PHLDB2: variants seen among roughly 807,000 people sequenced by gnomAD.
PHLDB2 encodes the protein pleckstrin homology-like domain family B member 2.
PHLDB2 carries 71 observed loss-of-function variants against 123.6 expected under a neutral mutation model. The observed-to-expected ratio is 0.57, with a 90% confidence interval of 0.47 to 0.70. PHLDB2 has a LOEUF of 0.70. Ranked by LOEUF, PHLDB2 falls within the 30% of genes least tolerant of loss-of-function variation. The pLI, the probability that PHLDB2 is intolerant of heterozygous loss-of-function variation, is 0.00. For synonymous variants in PHLDB2, 547 were observed against 541.6 expected (o/e 1.01, Z -0.14); for missense variants, 1,446 against 1,519.5 (o/e 0.95, Z 0.80).
At chr3:111,916,062 A>G (rs2068156061) in intron 3 of PHLDB2, 1 of 152,220 alleles carries the variant, frequency 6.6e-6, no homozygotes, top group Non-Finnish European at 1.5e-5. Flanking sequence ...TCTAAAGACT[A>G]TCTTTTGGGA....
At chr3:111,858,111 ATACC>A (rs2064604711), upstream of PHLDB2, among the ~76,000 whole-genome samples, 1 of 152,234 alleles carries the variant, frequency 6.6e-6, no homozygotes, top group South Asian at 2.1e-4. Context: ...ACACCATGGA[ATACC>A]ATGCAGCCAT....
intron 1 of PHLDB2, among the ~76,000 whole-genome samples, chr3:111,785,350 G>C (rs1232666518): frequency 1.3e-5 from 2 of 151,810 alleles, no homozygotes; most frequent in African/African-American, 4.8e-5. Flanking sequence ...GCATATTTCT[G>C]TTTTCTGTTT....
At chr3:111,957,218 GTT>G (rs2071113320) in intron 12 of PHLDB2, 1 of 152,546 alleles carries the variant, frequency 6.6e-6, no homozygotes, top group Non-Finnish European at 1.5e-5. Context: ...TTGTCCTTTT[GTT>G]TTTTGTTAAA....
rs185481475 is a variant in PHLDB2 at position 111,848,227 on chromosome 3, T to C, written c.67+2292T>C. Among the ~76,000 whole-genome samples the C allele has an allele frequency of 3.6e-3, 553 of 152,272 alleles. 6 individuals are homozygous for C. The highest frequency in any genetic ancestry group is 0.012 in the African/African-American group (516 of 41,532). ...AAGTAATTGAGAATCTATCATAAAA[T>C]GCTAATAGCCCATGAGAGATAAAAC... is the stretch of plus-strand genomic sequence containing the variant. On this transcript the variant is annotated intron_variant, in intron 2 of 17. Transcript: ENST00000393923.
In PHLDB2 at chr3:111,768,388, C is replaced by T. The variant is rs192157939; in HGVS notation, c.-49+35685C>T. 6.6e-5 allele frequency among the ~76,000 whole-genome samples: 10 copies of T among 152,274 alleles called. No homozygotes were observed. In the East Asian group the frequency reaches 1.9e-3, roughly 29 times the overall value. On this transcript the variant is annotated intron_variant, in intron 1 of 17. Coordinates refer to the PHLDB2 transcript ENST00000393923. ...CACGTTTAAGTGAGAATATTATTCT[C>T]TGTAAACAGCAGACTACTATTATGA...
At chr3:111,942,943 T>C (rs2070009661) in intron 8 of PHLDB2, among the ~76,000 whole-genome samples, 1 of 152,052 alleles carries the variant, frequency 6.6e-6, no homozygotes, top group Non-Finnish European at 1.5e-5. Flanking sequence ...ATATTGTGAC[T>C]AGAGGCTTGC....
chr3:111,746,296 A>G (rs2059681548), intron 1 of PHLDB2, among the ~76,000 whole-genome samples: 1 of 152,168 alleles, frequency 6.6e-6, no homozygotes, highest in African/African-American at 2.4e-5. Context: ...ACGAACTCAT[A>G]TAGGTTCCAA....
In PHLDB2 at chr3:111,860,037, G is replaced by A. The variant is rs558186717; in HGVS notation, c.-15+461G>A. On this transcript the variant is annotated intron_variant, in intron 1 of 17. Transcript: ENST00000431670. Reference sequence around the variant, plus strand: ...TCTCGGGGGGCTGGGTAGATCTCCGGTTGAGGGGATCCCGGGGAGGGAGTG... The same window carrying A: ...TCTCGGGGGGCTGGGTAGATCTCCGATTGAGGGGATCCCGGGGAGGGAGTG... Among the ~76,000 whole-genome samples, 18 of 150,396 alleles carry A rather than the reference G, an allele frequency of 1.2e-4. No individual in the cohort carries two copies. The East Asian group carries it at 3.2e-3, about 26-fold the overall frequency.
Position 111,743,777 on chromosome 3 carries a change from A to T in PHLDB2, c.-49+11074A>T, listed in dbSNP as rs1475141605. Among the ~76,000 whole-genome samples, 6 of 152,228 alleles carry T rather than the reference A, an allele frequency of 3.9e-5. No homozygotes were observed. In the East Asian group the frequency reaches 1.2e-3, roughly 29 times the overall value. On this transcript the variant is annotated intron_variant, in intron 1 of 17. Transcript: ENST00000393923. Reference sequence around the variant, plus strand: ...TAGGTAAGCTTTTAGTGTATAAGTGAAAACTTTCATCATCTTAAGCAATTT... The same window carrying T: ...TAGGTAAGCTTTTAGTGTATAAGTGTAAACTTTCATCATCTTAAGCAATTT...
intron 13 of PHLDB2, among the ~76,000 whole-genome samples, chr3:111,964,325 G>A (rs770861362): frequency 6.6e-5 from 10 of 151,944 alleles, no homozygotes; most frequent in Non-Finnish European, 1.0e-4. Flanking sequence ...TACATGAGGT[G>A]ATAAATGTGT....
At chr3:111,880,679 C>T (rs1467503181) in intron 1 of PHLDB2, among the ~76,000 whole-genome samples, 13 of 36,538 alleles carry the variant, frequency 3.6e-4, no homozygotes, top group Admixed American at 1.7e-3. Context: ...TCCTTTGTGG[C>T]ATTTTTTTTT....
rs1292224142 is a variant in PHLDB2 at position 111,919,074 on chromosome 3, C to G, written c.1722C>G (p.Thr574=). The G allele has an allele frequency of 6.2e-7, 1 of 1,613,762 alleles. No homozygotes were observed. The highest frequency in any genetic ancestry group is 1.7e-5 in the Admixed American group (1 of 60,016). Residue 574 remains threonine (T), a splice_region_variant and synonymous_variant, in exon 4 of 18, where the codon ACC becomes ACG. Transcript: ENST00000431670. ...ESSYLSILPK[T]PEGISEEQRS... ...ATTTCTGTGTTGATTAATCGCAGAC[C>G]CCAGAGGGTATAAGTGAAGAACAGA... is the stretch of plus-strand genomic sequence containing the variant.
chr3:111,752,384 G>A (rs536813806), intron 1 of PHLDB2, among the ~76,000 whole-genome samples: 2 of 152,040 alleles, frequency 1.3e-5, no homozygotes, highest in African/African-American at 4.8e-5. Flanking sequence ...TTAATAACAA[G>A]TTGATTTATA....
chr3:111,898,544 C>T (rs2067009150), intron 2 of PHLDB2, among the ~76,000 whole-genome samples: 2 of 152,166 alleles, frequency 1.3e-5, no homozygotes, highest in African/African-American at 4.8e-5. Flanking sequence ...CTTCCTTTCA[C>T]AAAAGATTCC....
At chr3:111,809,601 C>T (rs1019741823) in intron 1 of PHLDB2, among the ~76,000 whole-genome samples, 2 of 152,158 alleles carry the variant, frequency 1.3e-5, no homozygotes, top group Non-Finnish European at 2.9e-5. Flanking sequence ...AGGTCTTTGA[C>T]CCTGAAATAT....
At position 111,939,831 on chromosome 3, in the gene PHLDB2, C is replaced by G. The variant is rs1004812790; in HGVS notation, c.2286+201C>G. Among the ~76,000 whole-genome samples, 2 of 152,128 alleles carry G rather than the reference C, an allele frequency of 1.3e-5. 1 individual carries two copies. Among genetic ancestry groups the G allele is most frequent in the Non-Finnish European group, 2.9e-5 (2 of 68,036 alleles). On this transcript the variant is annotated intron_variant, in intron 7 of 17. Transcript: ENST00000431670. ...CTGTAGATGCATTTATGAATAGTAC[C>G]TAATTGTTTCATTCACGTGAAAACC...
At chr3:111,941,992 C>G (rs866186992) in intron 8 of PHLDB2, among the ~76,000 whole-genome samples, 47 of 152,180 alleles carry the variant, frequency 3.1e-4, no homozygotes, top group African/African-American at 1.1e-3. Context: ...CTATCCCTTG[C>G]TCTGGGGATG....
In PHLDB2 at chr3:111,884,331, T is replaced by G; in HGVS notation, c.254T>G (p.Leu85Ter). The change falls in exon 2 of 18, where the codon TTA becomes TGA. Residue 85 changes from leucine (L) to a stop codon, truncating the protein, a stop_gained. Transcript: ENST00000431670. LOFTEE classifies it high-confidence loss of function. ...LGTSVRSSPS[L>*]AKIQGSKQFS... ...ACCAGTGTCAGAAGCAGCCCCTCCT[T>G]AGCCAAAATCCAGGGAAGCAAGCAG... 1 of 1,614,166 alleles carries G rather than the reference T, an allele frequency of 6.2e-7. No homozygotes were observed. Among genetic ancestry groups the G allele is most frequent in the Non-Finnish European group, 8.5e-7 (1 of 1,180,020 alleles).
chr3:111,964,750 CATG>C (rs1390241049), intron 13 of PHLDB2, among the ~76,000 whole-genome samples: 2 of 151,996 alleles, frequency 1.3e-5, no homozygotes, highest in Non-Finnish European at 2.9e-5. Flanking sequence ...CAATAAATCT[CATG>C]GTGGGGGCAG....
Sources: allele counts gnomAD v4.1 joint callset (sites outside exome capture counted in the v4.1 genomes callset), GRCh38; gene constraint gnomAD v4.1.1; transcripts MANE v1.5; gene names NCBI Gene and HGNC (gene_info 2026-07-23, HGNC 2026-07-21).